Variants in LRP1B observed in about 807,000 individuals in gnomAD.
LRP1B encodes low-density lipoprotein receptor-related protein 1B.
Under a neutral mutation model 556.6 loss-of-function variants are expected in LRP1B, and 217 were observed. The ratio of observed to expected loss-of-function variants is 0.39; its 90% CI spans 0.35 to 0.44. LRP1B has a LOEUF of 0.44. LRP1B is among the 20% of genes least tolerant of loss of function. The pLI, the probability that LRP1B is intolerant of heterozygous loss-of-function variation, is 1.00. For synonymous variants in LRP1B, 2,047 were observed against 1,865.8 expected, an observed-to-expected ratio of 1.10 and a Z score of -2.50; for missense variants, 5,053 against 5,620.8, an observed-to-expected ratio of 0.90 and a Z score of 3.23.
chr2:140,882,732 TAA>T (rs1397708203), intron 25 of LRP1B, among the ~76,000 whole-genome samples: 1 of 152,120 alleles, frequency 6.6e-6, no homozygotes, highest in Non-Finnish European at 1.5e-5. Context: ...TAGACAAGAG[TAA>T]AAGTCAGAAG....
chr2:141,403,631 T>C (rs1690524426), intron 3 of LRP1B, among the ~76,000 whole-genome samples: 1 of 152,176 alleles, frequency 6.6e-6, no homozygotes, highest in South Asian at 2.1e-4. Flanking sequence ...GTAACAGTTA[T>C]ATTTTGACCT....
Position 140,266,877 on chromosome 2 carries a change from A to G in LRP1B, c.13247+3365T>C, listed in dbSNP as rs540385206. ...TATTTTAATTTTCTAAAAGCCATTC[A>G]TCTTCCTAAAATGAATTTTAAGTTC... is the stretch of plus-strand genomic sequence containing the variant. On this transcript the variant is annotated intron_variant, in intron 86 of 90. Coordinates refer to ENST00000389484, the MANE Select transcript of LRP1B (RefSeq NM_018557.3). Among the ~76,000 whole-genome samples, 6 of 152,126 alleles carry G rather than the reference A, an allele frequency of 3.9e-5. No homozygotes were observed. In the South Asian group the frequency reaches 1.2e-3, roughly 32 times the overall value.
rs1378417792 is a variant in LRP1B at position 140,483,638 on chromosome 2, A to ATTT, written c.9425+1704_9425+1705insAAA. ...CACATATATATATATATATATATAT[A>ATTT]TATTTTTTTTTTTTTTTTTTGAGAC... On this transcript the variant is annotated intron_variant, in intron 59 of 90. Coordinates refer to ENST00000389484, the MANE Select transcript of LRP1B (RefSeq NM_018557.3). 3.1e-3 allele frequency among the ~76,000 whole-genome samples: 232 copies of ATTT among 74,048 alleles called. 4 individuals are homozygous for ATTT. Among genetic ancestry groups the ATTT allele is most frequent in the African/African-American group, 0.012 (223 of 18,692 alleles). The allele number at this position is 74,048 out of a possible 152,430, so 48.6% of individuals were successfully genotyped here.
In LRP1B at chr2:140,693,502, C is replaced by T. The variant is rs545408632; in HGVS notation, c.6799+6748G>A. 2.6e-5 allele frequency among the ~76,000 whole-genome samples: 4 copies of T among 152,076 alleles called. No individual in the cohort carries two copies. In the South Asian group the frequency reaches 8.3e-4, roughly 32 times the overall value. ...TGAGACATTTTGGCATTTTGAATTG[C>T]ATTAAATTTACAGATAATTTGGGAT... On this transcript the variant is annotated intron_variant, in intron 41 of 90. Transcript: ENST00000389484.
At chr2:140,406,040 T>C (rs1684719336) in intron 66 of LRP1B, among the ~76,000 whole-genome samples, 2 of 152,074 alleles carry the variant, frequency 1.3e-5, no homozygotes, top group Admixed American at 6.6e-5. Context: ...ATTTAACATA[T>C]GCAAATCCGT....
intron 1 of LRP1B, among the ~76,000 whole-genome samples, chr2:141,958,183 T>C (rs1031680333): frequency 2.6e-5 from 4 of 152,082 alleles, no homozygotes; most frequent in African/African-American, 9.7e-5. Flanking sequence ...GTCACCCTGG[T>C]AAACAAAACT....
At chr2:140,727,442 C>T (rs376958846) in intron 35 of LRP1B, among the ~76,000 whole-genome samples, 2 of 152,098 alleles carry the variant, frequency 1.3e-5, no homozygotes, top group South Asian at 4.1e-4. Context: ...CTGGTTGAAA[C>T]CTCTGGAGGA....
At chr2:142,016,270 C>T (rs1703127353) in intron 1 of LRP1B, among the ~76,000 whole-genome samples, 2 of 152,020 alleles carry the variant, frequency 1.3e-5, no homozygotes, top group African/African-American at 2.4e-5. Context: ...GACAGTGTGG[C>T]AATTCCTCAA....
chr2:140,295,760 C>G (rs1048701664), intron 84 of LRP1B, among the ~76,000 whole-genome samples: 2 of 151,794 alleles, frequency 1.3e-5, no homozygotes, highest in South Asian at 4.2e-4. Flanking sequence ...AAAGGAATTA[C>G]AAGTGTCCTT....
At chr2:141,802,289 C>T (rs1296670656) in intron 2 of LRP1B, among the ~76,000 whole-genome samples, 3 of 152,050 alleles carry the variant, frequency 2.0e-5, no homozygotes, top group African/African-American at 7.2e-5. Flanking sequence ...TACTCTTTCC[C>T]TCCCAAGGTA....
chr2:141,116,183 T>C (rs1445937765), intron 7 of LRP1B, among the ~76,000 whole-genome samples: 1 of 152,214 alleles, frequency 6.6e-6, no homozygotes, highest in Non-Finnish European at 1.5e-5. Context: ...TACATTCATA[T>C]ACTCTAGCCT....
chr2:141,309,890 G>A (rs1047940138), intron 3 of LRP1B, among the ~76,000 whole-genome samples: 44 of 150,840 alleles, frequency 2.9e-4, no homozygotes, highest in African/African-American at 1.0e-3. Flanking sequence ...GAGAGAGAGA[G>A]AAAAAAGAAA....
chr2:140,456,648 G>C (rs2105322470), intron 61 of LRP1B, 45 bp from the exon 62 acceptor site: 1 of 1,549,206 alleles, frequency 6.5e-7, no homozygotes. Context: ...GGATAATCAA[G>C]ACTAATAATA....
chr2:141,649,403 C>G (rs1227382974), intron 2 of LRP1B, among the ~76,000 whole-genome samples: 1 of 152,126 alleles, frequency 6.6e-6, no homozygotes, highest in Non-Finnish European at 1.5e-5. Flanking sequence ...TCTCTTCTTA[C>G]CATAAAAATA....
intron 32 of LRP1B, among the ~76,000 whole-genome samples, chr2:140,781,319 C>T (rs1689690564): frequency 6.6e-6 from 1 of 152,186 alleles, no homozygotes. Flanking sequence ...TATCTTTCAT[C>T]ATGCATAATT....
chr2:141,046,814 G>A (rs554816899), intron 11 of LRP1B, among the ~76,000 whole-genome samples: 1 of 152,186 alleles, frequency 6.6e-6, no homozygotes, highest in Admixed American at 6.5e-5. Context: ...AGGCATGGTG[G>A]CTCATGCCTG....
intron 1 of LRP1B, among the ~76,000 whole-genome samples, chr2:142,128,754 A>C (rs1707746007): frequency 6.6e-6 from 1 of 152,196 alleles, no homozygotes; most frequent in South Asian, 2.1e-4. Flanking sequence ...TTTTTAGAAA[A>C]AAACTAGCAA....
chr2:141,412,526 C>CACA (rs1690891068), intron 3 of LRP1B, among the ~76,000 whole-genome samples: 2 of 151,912 alleles, frequency 1.3e-5, no homozygotes, highest in African/African-American at 4.8e-5. Flanking sequence ...TAGTCATAAT[C>CACA]AAGTATTATA....
intron 2 of LRP1B, among the ~76,000 whole-genome samples, chr2:141,758,406 T>C (rs1208503182): frequency 2.0e-5 from 3 of 152,168 alleles, no homozygotes; most frequent in Non-Finnish European, 4.4e-5. Flanking sequence ...TTTAACTAAA[T>C]CTTAAGTTCT....
Sources: gnomAD v4.1 joint callset for allele counts (sites outside exome capture counted in the v4.1 genomes callset) on GRCh38, gnomAD v4.1.1 for gene constraint, MANE v1.5 for transcripts, NCBI Gene and HGNC (gene_info 2026-07-23, HGNC 2026-07-21) for gene names.